Variants in ASTN1 observed in about 807,000 individuals in gnomAD.
ASTN1 encodes the protein astrotactin-1.
ASTN1 carries 41 observed loss-of-function variants against 140.7 expected under a neutral mutation model. That is an observed-to-expected ratio of 0.29 (90% CI 0.23 to 0.38). The LOEUF (loss-of-function observed/expected upper bound fraction) is 0.38, where lower values mean the gene tolerates loss of function less well. ASTN1 is among the 10% of genes least tolerant of loss of function. ASTN1 has a pLI of 1.00. For missense variants in ASTN1, 1,479 were observed against 1,678.8 expected, an observed-to-expected ratio of 0.88 and a Z score of 2.08; for synonymous variants, 640 against 652.2, an observed-to-expected ratio of 0.98 and a Z score of 0.29.
At chr1:176,891,998 A>G (rs1571466470) in intron 17 of ASTN1, among the ~76,000 whole-genome samples, 1 of 152,212 alleles carries the variant, frequency 6.6e-6, no homozygotes, top group East Asian at 1.9e-4. Context: ...CCAGTGGTAG[A>G]AATGTGGGCA....
At chr1:177,024,771 AG>A (rs1403624552) in intron 5 of ASTN1, 39 bp from the exon 6 acceptor site, 2 of 1,596,732 alleles carry the variant, frequency 1.3e-6, no homozygotes, top group Non-Finnish European at 1.7e-6. Flanking sequence ...GGTGGTAAAA[AG>A]CTTGGCATTG....
intron 21 of ASTN1, among the ~76,000 whole-genome samples, chr1:176,872,777 C>T (rs775958965): frequency 9.8e-5 from 15 of 152,322 alleles, no homozygotes; most frequent in Admixed American, 3.3e-4. Flanking sequence ...TACCGCTGCT[C>T]CCTGATCTGG....
intron 15 of ASTN1, 31 bp from the exon 16 acceptor site, chr1:176,934,371 T>A: frequency 6.4e-7 from 1 of 1,564,896 alleles, no homozygotes; most frequent in Non-Finnish European, 8.7e-7. Flanking sequence ...AGGGTAAGAA[T>A]GAGGGCTCAG....
intron 1 of ASTN1, among the ~76,000 whole-genome samples, chr1:177,134,239 ACT>A (rs1682073020): frequency 6.6e-6 from 1 of 152,234 alleles, no homozygotes; most frequent in Non-Finnish European, 1.5e-5. Context: ...TTTTCATTTC[ACT>A]GAGTGCCTTT....
At chr1:176,956,388 G>A (rs753808378) in intron 11 of ASTN1, among the ~76,000 whole-genome samples, 4 of 152,246 alleles carry the variant, frequency 2.6e-5, no homozygotes, top group South Asian at 4.2e-4. Flanking sequence ...GCACATATCC[G>A]TCTTTGATTG....
chr1:176,933,113 C>G (rs771749017), intron 16 of ASTN1, among the ~76,000 whole-genome samples: 2 of 152,158 alleles, frequency 1.3e-5, no homozygotes, highest in African/African-American at 2.4e-5. Context: ...CACTGTAGCC[C>G]AGACACAAAT....
chr1:177,042,318 C>T (rs1048603732), intron 2 of ASTN1, among the ~76,000 whole-genome samples: 3 of 152,136 alleles, frequency 2.0e-5, no homozygotes, highest in African/African-American at 7.2e-5. Context: ...GATCCTGCCC[C>T]GTTCTCTTTT....
At chr1:176,903,674 C>G (rs1403162142) in intron 16 of ASTN1, among the ~76,000 whole-genome samples, 1 of 152,206 alleles carries the variant, frequency 6.6e-6, no homozygotes, top group East Asian at 1.9e-4. Flanking sequence ...TTTCTTGTGA[C>G]TCAGAGCTAA....
chr1:176,919,424 G>A, intron 16 of ASTN1, among the ~76,000 whole-genome samples: 1 of 152,144 alleles, frequency 6.6e-6, no homozygotes, highest in East Asian at 1.9e-4. Flanking sequence ...CCCGAAGAAA[G>A]AGTGGTGTGG....
intron 2 of ASTN1, among the ~76,000 whole-genome samples, chr1:177,035,232 T>A (rs773352455): frequency 6.6e-6 from 1 of 152,190 alleles, no homozygotes; most frequent in Non-Finnish European, 1.5e-5. Context: ...CCACAACTCT[T>A]ATTTCACAGC....
chr1:176,859,058 A>G (rs1667888439), downstream of ASTN1, among the ~76,000 whole-genome samples: 1 of 152,250 alleles, frequency 6.6e-6, no homozygotes, highest in Non-Finnish European at 1.5e-5. Context: ...TGCCTGGCAC[A>G]TAATAAGTAT....
chr1:176,940,502 C>T (rs1186154875), intron 14 of ASTN1, among the ~76,000 whole-genome samples: 2 of 152,220 alleles, frequency 1.3e-5, no homozygotes, highest in Non-Finnish European at 2.9e-5. Context: ...AGTTAAGCCA[C>T]CTACAACTTT....
chr1:176,954,863 C>T (rs1672334166), intron 11 of ASTN1, among the ~76,000 whole-genome samples: 2 of 152,178 alleles, frequency 1.3e-5, no homozygotes, highest in South Asian at 4.1e-4. Flanking sequence ...TTCCTGTCCT[C>T]AGAGACTATA....
At chr1:176,931,842 A>C (rs906645626) in intron 16 of ASTN1, among the ~76,000 whole-genome samples, 1 of 152,232 alleles carries the variant, frequency 6.6e-6, no homozygotes, top group African/African-American at 2.4e-5. Flanking sequence ...TTTAAAGTTG[A>C]ATAAGGCAAA....
In ASTN1 at chr1:176,861,166, G is replaced by T; in HGVS notation, c.*3118C>A. The T allele has an allele frequency of 2.1e-6, 2 of 956,000 alleles. No individual in the cohort carries two copies. The highest frequency in any genetic ancestry group is 2.5e-6 in the Non-Finnish European group (2 of 803,054). The allele number at this position is 956,000 out of a possible 1,614,324, so 59.2% of individuals were successfully genotyped here. ...AACAACACTGTTATACCTGAAGATG[G>T]TCATATTATATTCTTTCTTCCTTCT... On this transcript the variant is annotated 3_prime_UTR_variant, in exon 23 of 23. Coordinates refer to ENST00000361833, the MANE Select transcript of ASTN1 (RefSeq NM_004319.3).
chr1:177,114,660 G>A (rs1680992626), intron 1 of ASTN1, among the ~76,000 whole-genome samples: 1 of 152,058 alleles, frequency 6.6e-6, no homozygotes, highest in Non-Finnish European at 1.5e-5. Context: ...CTGTGTATGT[G>A]GTGCTGTGTG....
intron 1 of ASTN1, among the ~76,000 whole-genome samples, chr1:177,141,323 A>G (rs1682460519): frequency 6.6e-6 from 1 of 152,170 alleles, no homozygotes; most frequent in Admixed American, 6.5e-5. Context: ...CTGGCGTGCA[A>G]TGAATGATGG....
In ASTN1 at chr1:176,934,303, T is replaced by G. The variant is rs777104304; in HGVS notation, c.2520A>C (p.Thr840=). ...ACAGCGCCACAAAATCTGCACGAGA[T>G]GTAGCCCCATCCAGCGAGTGGAGAG... is the stretch of plus-strand genomic sequence containing the variant. The part of the protein sequence containing the change: ...SNALHSLDGA[T]SRADFVALLD... The change falls in exon 16 of 23, where the codon ACA becomes ACC. Residue 840 remains threonine, a synonymous_variant. Coordinates refer to ENST00000361833, the MANE Select transcript of ASTN1 (RefSeq NM_004319.3). 6.2e-7 allele frequency: 1 copy of G among 1,613,780 alleles called. No homozygotes were observed. The highest frequency in any genetic ancestry group is 8.5e-7 in the Non-Finnish European group (1 of 1,179,758).
intron 8 of ASTN1, among the ~76,000 whole-genome samples, chr1:176,983,912 C>A (rs1472940436): frequency 6.6e-6 from 1 of 152,226 alleles, no homozygotes; most frequent in African/African-American, 2.4e-5. Context: ...ATGCATCTCC[C>A]ACCAGCCTCA....
Sources: allele counts gnomAD v4.1 joint callset (sites outside exome capture counted in the v4.1 genomes callset), GRCh38; gene constraint gnomAD v4.1.1; transcripts MANE v1.5; gene names NCBI Gene and HGNC (gene_info 2026-07-23, HGNC 2026-07-21).